VSTM1: variants seen among roughly 807,000 people sequenced by gnomAD.
VSTM1 encodes V-set and transmembrane domain-containing protein 1.
A neutral mutation model predicts 33.1 loss-of-function variants in VSTM1; 27 were observed. That is an observed-to-expected ratio of 0.82 (90% confidence interval 0.60 to 1.12). The LOEUF (loss-of-function observed/expected upper bound fraction) is 1.12, where lower values mean the gene tolerates loss of function less well. Among genes scored for constraint, VSTM1 ranks in the 50% most tolerant of loss-of-function variants. The probability of loss-of-function intolerance (pLI) is 0.00; values close to 1 mark genes in which losing one functional copy is unlikely to be tolerated. For synonymous variants in VSTM1, 115 were observed against 110.3 expected (o/e 1.04, Z -0.27); for missense variants, 304 against 288.9 (o/e 1.05, Z -0.38).
chr19:54,057,709 T>C (rs1050320000), intron 3 of VSTM1, among the ~76,000 whole-genome samples: 1 of 151,102 alleles, frequency 6.6e-6, no homozygotes, highest in Non-Finnish European at 1.5e-5. Flanking sequence ...CTCGGGAGGC[T>C]GAGGCAGGTG....
chr19:54,050,026 T>C (rs1228505851), intron 4 of VSTM1, among the ~76,000 whole-genome samples: 2 of 131,818 alleles, frequency 1.5e-5, no homozygotes, highest in Admixed American at 1.8e-4. Flanking sequence ...GGAGACAGAG[T>C]CTCACTCTGT....
chr19:54,057,448 G>A (rs1042680197), intron 3 of VSTM1, among the ~76,000 whole-genome samples: 1 of 151,358 alleles, frequency 6.6e-6, no homozygotes, highest in Non-Finnish European at 1.5e-5. Flanking sequence ...CTGGGAGGTC[G>A]AGGCTGCAGT....
At chr19:54,050,911 G>A (rs2070806860) in intron 4 of VSTM1, among the ~76,000 whole-genome samples, 1 of 151,878 alleles carries the variant, frequency 6.6e-6, no homozygotes, top group Admixed American at 6.6e-5. Flanking sequence ...AGAATTGCTT[G>A]AACCCAGAAC....
intron 1 of VSTM1, among the ~76,000 whole-genome samples, chr19:54,060,440 C>T (rs1247215489): frequency 2.0e-5 from 3 of 152,132 alleles, no homozygotes; most frequent in African/African-American, 7.2e-5. Flanking sequence ...TCCTTGTTGA[C>T]ACAGGTGCCG....
At chr19:54,060,837 T>G (rs1410631772) in intron 1 of VSTM1, among the ~76,000 whole-genome samples, 2 of 151,728 alleles carry the variant, frequency 1.3e-5, no homozygotes, top group Non-Finnish European at 2.9e-5. Flanking sequence ...ACTACAGGCA[T>G]GCACCACCAC....
chr19:54,046,960 T>C (rs75751536), intron 4 of VSTM1, among the ~76,000 whole-genome samples: 9,875 of 151,682 alleles, frequency 0.065, 341 homozygotes, highest in East Asian at 0.11. Context: ...CTTTGGGAGG[T>C]CGAGGCAGGC....
At chr19:54,046,354 T>C (rs1016514945) in intron 4 of VSTM1, among the ~76,000 whole-genome samples, 8 of 152,138 alleles carry the variant, frequency 5.3e-5, no homozygotes, top group Non-Finnish European at 1.0e-4. Flanking sequence ...AATGTTCCCT[T>C]CCCTTTCTGG....
intron 4 of VSTM1, among the ~76,000 whole-genome samples, chr19:54,042,861 CTT>C (rs565051370): frequency 8.7e-5 from 9 of 103,472 alleles, no homozygotes; most frequent in African/African-American, 2.4e-4. Context: ...TATATACACA[CTT>C]TTTTTTTTTT....
intron 4 of VSTM1, among the ~76,000 whole-genome samples, chr19:54,049,711 A>G (rs1373786070): frequency 6.6e-6 from 1 of 152,108 alleles, no homozygotes; most frequent in Non-Finnish European, 1.5e-5. Flanking sequence ...GGTAGCAGAC[A>G]TTTCCCAAGC....
At chr19:54,062,808 GAGGA>G (rs1307529735) in intron 1 of VSTM1, among the ~76,000 whole-genome samples, 10 of 152,036 alleles carry the variant, frequency 6.6e-5, no homozygotes, top group Admixed American at 6.6e-4. Flanking sequence ...CCCAGAAAAG[GAGGA>G]AGGAACTGAA....
intron 4 of VSTM1, among the ~76,000 whole-genome samples, chr19:54,043,132 G>C (rs1317732691): frequency 6.6e-6 from 1 of 151,862 alleles, no homozygotes; most frequent in Non-Finnish European, 1.5e-5. Context: ...CCTTGGAGCT[G>C]GACATTTCGA....
intron 4 of VSTM1, among the ~76,000 whole-genome samples, chr19:54,046,920 G>T (rs73060606): frequency 0.22 from 33,078 of 152,046 alleles, 3,741 homozygotes; most frequent in Non-Finnish European, 0.26. Flanking sequence ...TTCAAGCCAG[G>T]CGTGGTGGCT....
Position 54,054,520 on chromosome 19 carries a change from C to T in VSTM1, c.356-3072G>A, listed in dbSNP as rs2070990542. Among the ~76,000 whole-genome samples the T allele has an allele frequency of 3.5e-5, 5 of 142,882 alleles. No homozygotes were observed. In the South Asian group the frequency reaches 1.1e-3, roughly 33 times the overall value. 93.7% of individuals were successfully genotyped at this position (142,882 alleles called of 152,430 possible). Reference sequence around the variant, plus strand: ...GACCCACGGCTACTTCTACACTACACTGATGACTGTAAAGTCTCTCCAGGG... The same window carrying T: ...GACCCACGGCTACTTCTACACTACATTGATGACTGTAAAGTCTCTCCAGGG... On this transcript the variant is annotated intron_variant, in intron 3 of 8. Coordinates refer to ENST00000338372, the MANE Select transcript of VSTM1 (RefSeq NM_198481.4).
intron 4 of VSTM1, among the ~76,000 whole-genome samples, chr19:54,050,641 C>CAA (rs1568464146): frequency 2.6e-5 from 4 of 152,104 alleles, no homozygotes; most frequent in Non-Finnish European, 5.9e-5. Flanking sequence ...CCTCCACCCC[C>CAA]CAAAACACAG....
chr19:54,042,841 T>TAC (rs1396173162), intron 4 of VSTM1, among the ~76,000 whole-genome samples: 3,206 of 95,402 alleles, frequency 0.034, 36 homozygotes, highest in Non-Finnish European at 0.052. Context: ...TATATATACA[T>TAC]ATATATATAT....
At chr19:54,052,226 G>A (rs1218421986) in intron 3 of VSTM1, among the ~76,000 whole-genome samples, 35 of 150,464 alleles carry the variant, frequency 2.3e-4, no homozygotes, top group Admixed American at 6.0e-4. Context: ...GTGAAACCCC[G>A]TCTCTACTAA....
intron 4 of VSTM1, among the ~76,000 whole-genome samples, chr19:54,045,367 C>G (rs2070522263): frequency 6.6e-6 from 1 of 152,072 alleles, no homozygotes; most frequent in Non-Finnish European, 1.5e-5. Flanking sequence ...TATCACCTAT[C>G]CAATCTATCT....
Position 54,040,997 on chromosome 19 carries a change from G to A in VSTM1, c.675C>T (p.Pro225=), listed in dbSNP as rs1192692915. 1 of 1,610,556 alleles carries A rather than the reference G, an allele frequency of 6.2e-7. No individual in the cohort carries two copies. Among genetic ancestry groups the A allele is most frequent in the South Asian group, 1.1e-5 (1 of 90,794 alleles). Residue 225 remains proline, a synonymous_variant, in exon 9 of 9, where the codon CCC becomes CCT. Coordinates refer to ENST00000338372, the MANE Select transcript of VSTM1 (RefSeq NM_198481.4). Reference sequence around the variant, plus strand: ...GTGCCGCATATTCATGAGATCCTGGGGGCTCCTGGGTGGTGTCTGAAGCTG... The same window carrying A: ...GTGCCGCATATTCATGAGATCCTGGAGGCTCCTGGGTGGTGTCTGAAGCTG... ...SEAASDTTQE[P]PGSHEYAALK...
chr19:54,063,782 T>C lies in VSTM1; in HGVS notation c.-5A>G. 1.2e-6 allele frequency: 2 copies of C among 1,613,754 alleles called. No individual in the cohort carries two copies. Among genetic ancestry groups the C allele is most frequent in the Non-Finnish European group, 1.7e-6 (2 of 1,179,868 alleles). ...GGAGAGGAATTCTGCGGTCATAGCGTCCCTTCTGCCAGAACCAAGGCCCCG... is the reference window on the plus strand; with the variant it reads ...GGAGAGGAATTCTGCGGTCATAGCGCCCCTTCTGCCAGAACCAAGGCCCCG... On this transcript the variant is annotated 5_prime_UTR_variant, in exon 1 of 9. Coordinates refer to ENST00000338372, the MANE Select transcript of VSTM1 (RefSeq NM_198481.4).
Sources: allele counts gnomAD v4.1 joint callset (sites outside exome capture counted in the v4.1 genomes callset), GRCh38; gene constraint gnomAD v4.1.1; transcripts MANE v1.5; gene names NCBI Gene and HGNC (gene_info 2026-07-23, HGNC 2026-07-21).